MAP2K5: variants seen among roughly 807,000 people sequenced by gnomAD.
MAP2K5 encodes dual specificity mitogen-activated protein kinase kinase 5.
MAP2K5 carries 49 observed loss-of-function variants against 83.1 expected under a neutral mutation model. That is an observed-to-expected ratio of 0.59 (90% CI 0.47 to 0.75). The LOEUF (loss-of-function observed/expected upper bound fraction) is 0.75, where lower values mean the gene tolerates loss of function less well. MAP2K5 is among the 30% of genes least tolerant of loss of function. The pLI is 0.00. For synonymous variants in MAP2K5, 202 were observed against 191.8 expected, an observed-to-expected ratio of 1.05 and a Z score of -0.44; for missense variants, 457 against 557.5, an observed-to-expected ratio of 0.82 and a Z score of 1.82.
At chr15:67,569,112 A>G (rs1012930420) in intron 3 of MAP2K5, among the ~76,000 whole-genome samples, 4 of 152,020 alleles carry the variant, frequency 2.6e-5, no homozygotes, top group Admixed American at 6.6e-5. Flanking sequence ...TACCAAATTC[A>G]TTGTCCATTT....
intron 8 of MAP2K5, chr15:67,628,931 T>C: frequency 1.3e-6 from 1 of 756,894 alleles, no homozygotes; most frequent in Non-Finnish European, 2.4e-6. Context: ...ATGGAAGCAA[T>C]TTTGGAGGTG....
In MAP2K5 at chr15:67,639,769, C is replaced by T. The variant is rs566160354; in HGVS notation, c.586-6462C>T. Among the ~76,000 whole-genome samples, 3 of 152,334 alleles carry T rather than the reference C, an allele frequency of 2.0e-5. No homozygotes were observed. The East Asian group carries it at 5.8e-4, about 29-fold the overall frequency. ...TCCTGTGTGTCTTTTAAGTTGAACTCGTTGCCTTATCTGAACTCAGGCACT... is the reference window on the plus strand; with the variant it reads ...TCCTGTGTGTCTTTTAAGTTGAACTTGTTGCCTTATCTGAACTCAGGCACT... On this transcript the variant is annotated intron_variant, in intron 9 of 21. Transcript: ENST00000178640.
At chr15:67,593,881 A>C (rs1026471079) in intron 7 of MAP2K5, among the ~76,000 whole-genome samples, 1 of 152,242 alleles carries the variant, frequency 6.6e-6, no homozygotes, top group African/African-American at 2.4e-5. Flanking sequence ...CCTCACTGGC[A>C]TTTCATGAAT....
At chr15:67,772,197 A>T (rs1273456796) in intron 20 of MAP2K5, among the ~76,000 whole-genome samples, 1 of 152,244 alleles carries the variant, frequency 6.6e-6, no homozygotes, top group Non-Finnish European at 1.5e-5. Flanking sequence ...AGCATTATCT[A>T]GATTCCTGAC....
chr15:67,744,674 C>G (rs966667280), intron 17 of MAP2K5, among the ~76,000 whole-genome samples: 1 of 152,200 alleles, frequency 6.6e-6, no homozygotes, highest in African/African-American at 2.4e-5. Context: ...AGCTCCTCTA[C>G]AGAGAGCAAA....
At chr15:67,612,879 G>A (rs1330721984) in intron 8 of MAP2K5, among the ~76,000 whole-genome samples, 2 of 152,150 alleles carry the variant, frequency 1.3e-5, no homozygotes, top group Admixed American at 6.5e-5. Context: ...CACAACCAGT[G>A]TTCAAATTGA....
chr15:67,685,208 A>G (rs1409062056), intron 13 of MAP2K5, among the ~76,000 whole-genome samples: 1 of 152,232 alleles, frequency 6.6e-6, no homozygotes, highest in African/African-American at 2.4e-5. Flanking sequence ...ATATTCACAG[A>G]AAACAGAGCA....
At chr15:67,721,891 G>C (rs574755493) in intron 16 of MAP2K5, among the ~76,000 whole-genome samples, 3 of 152,100 alleles carry the variant, frequency 2.0e-5, no homozygotes, top group Non-Finnish European at 4.4e-5. Context: ...AGATGGAAGG[G>C]TGTACACAGT....
intron 8 of MAP2K5, chr15:67,629,128 G>T: frequency 1.4e-6 from 1 of 730,246 alleles, no homozygotes; most frequent in Non-Finnish European, 2.5e-6. Context: ...AGTGGCAGAA[G>T]ATTTTAATTA....
chr15:67,678,783 G>A (rs546870980), intron 13 of MAP2K5, among the ~76,000 whole-genome samples: 29 of 152,206 alleles, frequency 1.9e-4, no homozygotes, highest in Non-Finnish European at 3.8e-4. Context: ...GGCCAATATG[G>A]AGAAACCCCA....
intron 21 of MAP2K5, among the ~76,000 whole-genome samples, chr15:67,788,330 A>G (rs1013960168): frequency 1.3e-5 from 2 of 151,822 alleles, no homozygotes; most frequent in Non-Finnish European, 2.9e-5. Flanking sequence ...CCTGCCTTCC[A>G]CTCACCTCCT....
chr15:67,647,228 T>C (rs1470700824), intron 11 of MAP2K5, among the ~76,000 whole-genome samples: 4 of 152,220 alleles, frequency 2.6e-5, no homozygotes, highest in Non-Finnish European at 4.4e-5. Context: ...TGCAAAACTT[T>C]AATGAGCCAA....
intron 14 of MAP2K5, among the ~76,000 whole-genome samples, chr15:67,693,145 C>T (rs1307834214): frequency 1.3e-5 from 2 of 152,200 alleles, no homozygotes; most frequent in Non-Finnish European, 2.9e-5. Flanking sequence ...TCATTTCATT[C>T]TAGTAATGCA....
At position 67,724,356 on chromosome 15, in the gene MAP2K5, CTT is replaced by C. The variant is rs920202182; in HGVS notation, c.1045-3557_1045-3556del. On this transcript the variant is annotated intron_variant, in intron 16 of 21. Coordinates refer to ENST00000178640, the MANE Select transcript of MAP2K5 (RefSeq NM_145160.3). This position sits in a 1 kb window ranked among gnomAD's most constrained non-coding sequence, Gnocchi z 4.4. ...CATAAGGGTCCCATGTTTATTTTGA[CTT>C]TTGACAGCCTCGTGGAGAACTCGTT... Among the ~76,000 whole-genome samples, 10 of 152,068 alleles carry C rather than the reference CTT, an allele frequency of 6.6e-5. No homozygotes were observed. The highest frequency in any genetic ancestry group is 2.4e-4 in the African/African-American group (10 of 41,410).
chr15:67,662,620 A>T (rs74358924), intron 12 of MAP2K5, among the ~76,000 whole-genome samples: 5 of 152,140 alleles, frequency 3.3e-5, no homozygotes, highest in African/African-American at 1.2e-4. Context: ...CAATTTATAC[A>T]TAAAGATTTT....
Position 67,759,947 on chromosome 15 carries a change from C to T in MAP2K5, c.1135-9655C>T, listed in dbSNP as rs533935264. On this transcript the variant is annotated intron_variant, in intron 19 of 21. Coordinates refer to ENST00000178640, the MANE Select transcript of MAP2K5 (RefSeq NM_145160.3). ...GCACACAATGGTCCTGTCCTTTCGG[C>T]GATATTGTCAACTAGACCTGTGTTT... Among the ~76,000 whole-genome samples, 20 of 152,262 alleles carry T rather than the reference C, an allele frequency of 1.3e-4. 1 individual carries two copies. The South Asian group carries it at 3.1e-3, about 24-fold the overall frequency.
rs1181692561 is a variant in MAP2K5, at chr15:67,702,654, G to A, written c.973-683G>A. On this transcript the variant is annotated intron_variant, in intron 15 of 21. Coordinates refer to ENST00000178640, the MANE Select transcript of MAP2K5 (RefSeq NM_145160.3). This position sits in a 1 kb window ranked among gnomAD's most constrained non-coding sequence, Gnocchi z 4.6. ...TCCTTTTGAAGTTGAGAGTGTTTAT[G>A]TAGCCTCTTTTAGACCGGGTATTTG... 6.6e-6 allele frequency among the ~76,000 whole-genome samples: 1 copy of A among 152,198 alleles called. No homozygotes were observed. Among genetic ancestry groups the A allele is most frequent in the East Asian group, 1.9e-4 (1 of 5,196 alleles).
chr15:67,619,429 T>TTA, intron 8 of MAP2K5, among the ~76,000 whole-genome samples: 1 of 152,310 alleles, frequency 6.6e-6, no homozygotes, highest in East Asian at 1.9e-4. Flanking sequence ...ACTGCCTAGC[T>TTA]TATTGCCTGG....
chr15:67,659,188 T>C (rs1295466826), intron 12 of MAP2K5: 1 of 181,326 alleles, frequency 5.5e-6, no homozygotes, highest in Admixed American at 5.7e-5. Flanking sequence ...TAAACTAACA[T>C]TACTATAATG....
Sources: gnomAD v4.1 joint callset for allele counts (sites outside exome capture counted in the v4.1 genomes callset) on GRCh38, gnomAD v4.1.1 for gene constraint, Gnocchi (gnomAD v3.1) non-coding constraint, MANE v1.5 for transcripts, NCBI Gene and HGNC (gene_info 2026-07-23, HGNC 2026-07-21) for gene names.